The following GREB1 variants were observed in gnomAD, a reference collection of about 807,000 sequenced individuals.
GREB1 encodes the protein protein GREB1.
A neutral mutation model predicts 200.7 loss-of-function variants in GREB1; 106 were observed. The observed-to-expected ratio is 0.53, with a 90% CI of 0.45 to 0.62. The LOEUF is 0.62. Among genes scored for constraint, GREB1 ranks in the 20% least tolerant of loss-of-function variants. The pLI is 0.00. For missense variants in GREB1, 2,243 were observed against 2,556.8 expected, an observed-to-expected ratio of 0.88 and a Z score of 2.65; for synonymous variants, 1,132 against 1,092.4, an observed-to-expected ratio of 1.04 and a Z score of -0.72.
chr2:11,636,761 A>T (rs74173221), intron 30 of GREB1, among the ~76,000 whole-genome samples: 1 of 124,330 alleles, frequency 8.0e-6, no homozygotes, highest in African/African-American at 3.0e-5. Flanking sequence ...GGCAGGGGCA[A>T]GGGCAGGGGC....
At chr2:11,584,443 G>A (rs1212890541) in intron 7 of GREB1, among the ~76,000 whole-genome samples, 1 of 152,174 alleles carries the variant, frequency 6.6e-6, no homozygotes, top group Non-Finnish European at 1.5e-5. Flanking sequence ...CTGCCCCCAA[G>A]CGGTGGAGCT....
At chr2:11,605,138 C>G (rs1171568580) in intron 17 of GREB1, among the ~76,000 whole-genome samples, 1 of 72,730 alleles carries the variant, frequency 1.4e-5, no homozygotes, top group Non-Finnish European at 3.1e-5. Flanking sequence ...GCACCAGAGC[C>G]TGCTTCTTTT....
intron 1 of GREB1, among the ~76,000 whole-genome samples, chr2:11,550,851 G>A (rs1675747716): frequency 6.6e-6 from 1 of 152,184 alleles, no homozygotes; most frequent in African/African-American, 2.4e-5. Context: ...AGGGACTAGA[G>A]ACAATGCATG....
At chr2:11,568,905 T>TA (rs1284030278) in intron 4 of GREB1, among the ~76,000 whole-genome samples, 2 of 152,272 alleles carry the variant, frequency 1.3e-5, no homozygotes, top group African/African-American at 4.8e-5. Flanking sequence ...CTTGCATACT[T>TA]AACACTGTTT....
rs113693738 is a variant in GREB1 at position 11,633,927 on chromosome 2, C to G, written c.4992-204C>G. On this transcript the variant is annotated intron_variant, in intron 28 of 32. Coordinates refer to ENST00000381486, the MANE Select transcript of GREB1 (RefSeq NM_014668.4). The surrounding 1 kb of genome is among the most constrained non-coding windows in gnomAD (Gnocchi z 4.1). ...TTGTGAGAATTGACTAAATTATGGT[C>G]TGCAAATGTGTTCAGCACATAGCAG... Among the ~76,000 whole-genome samples the G allele has an allele frequency of 2.1e-3, 326 of 152,350 alleles. 2 individuals carry two copies. The highest frequency in any genetic ancestry group is 7.3e-3 in the African/African-American group (303 of 41,578).
chr2:11,618,578 C>T lies in GREB1; in HGVS notation c.3703C>T (p.Pro1235Ser), dbSNP rs1483713748. ...SSGSSSSSVAPAAGTWVLQAS... is the reference protein window; with the variant it reads ...SSGSSSSSVASAAGTWVLQAS... ...GGGCTCATCCTCCTCATCCGTGGCG[C>T]CCGCTGCCGGCACGTGGGTCCTGCA... The change falls in exon 22 of 33, where the codon CCC becomes TCC. Residue 1235 changes from proline (P) to serine (S), a missense_variant. Pro to Ser is a moderately conservative substitution (Grantham distance 74, BLOSUM62 -1). Around this residue, in one of 3 missense-constraint regions of GREB1, gnomAD observed 587 missense variants for 553.1 expected, o/e 1.06. Coordinates refer to ENST00000381486, the MANE Select transcript of GREB1 (RefSeq NM_014668.4). 1.2e-6 allele frequency: 2 copies of T among 1,613,030 alleles called. No individual in the cohort carries two copies. Among genetic ancestry groups the T allele is most frequent in the Non-Finnish European group, 1.7e-6 (2 of 1,179,888 alleles).
intron 17 of GREB1, among the ~76,000 whole-genome samples, chr2:11,604,339 G>A (rs968539320): frequency 9.9e-5 from 15 of 152,268 alleles, no homozygotes; most frequent in Admixed American, 6.5e-4. Context: ...TTTCTTTGGG[G>A]ATGATAACAC....
rs1376494248 is a variant in GREB1 at position 11,640,061 on chromosome 2, T to C, written c.5687-230T>C. On this transcript the variant is annotated intron_variant, in intron 32 of 32. Transcript: ENST00000381486. The surrounding 1 kb of genome is among the most constrained non-coding windows in gnomAD (Gnocchi z 4.6). ...ACCTCGGTTCAGTCCCTGCTCGGCT[T>C]TCCTTCTGCCTCCGTGTTTTCTCCC... 6.6e-6 allele frequency among the ~76,000 whole-genome samples: 1 copy of C among 152,118 alleles called. No individual in the cohort carries two copies. Among genetic ancestry groups the C allele is most frequent in the Non-Finnish European group, 1.5e-5 (1 of 67,998 alleles).
At chr2:11,531,860 G>A (rs1264615577), upstream of GREB1, among the ~76,000 whole-genome samples, 3 of 152,254 alleles carry the variant, frequency 2.0e-5, no homozygotes, top group East Asian at 1.9e-4. Flanking sequence ...ATGAACCACC[G>A]CACCTCGCCT....
intron 1 of GREB1, among the ~76,000 whole-genome samples, chr2:11,488,850 G>C (rs1326069701): frequency 6.8e-6 from 1 of 147,106 alleles, no homozygotes; most frequent in Admixed American, 7.1e-5. Context: ...ATCTGAACTG[G>C]GGCATATGTA....
rs762714375 is a variant in GREB1, at chr2:11,640,333, G to A, written c.5729G>A (p.Arg1910His). Residue 1910 changes from arginine to histidine, a missense_variant, in exon 33 of 33, where the codon CGC becomes CAC. Arg to His is a conservative substitution (Grantham distance 29). Around this residue, in one of 3 missense-constraint regions of GREB1, gnomAD observed 478 missense variants for 616.3 expected, o/e 0.78. Transcript: ENST00000381486. This position sits in a 1 kb window ranked among gnomAD's most constrained non-coding sequence, Gnocchi z 4.6. ...CVICQDRSSL[R>H]QTVVRLELED... ...ATCTGTCAGGACCGGAGCTCACTGC[G>A]CCAGACGGTCGTCCGCCTGGAGCTC... The A allele has an allele frequency of 1.2e-6, 2 of 1,614,058 alleles. No individual in the cohort carries two copies. The highest frequency in any genetic ancestry group is 1.7e-6 in the Non-Finnish European group (2 of 1,180,028).
In GREB1 at chr2:11,625,284, T is replaced by C. The variant is rs1684351489; in HGVS notation, c.4278T>C (p.Cys1426=). 1.2e-6 allele frequency: 2 copies of C among 1,614,088 alleles called. No individual in the cohort carries two copies. The highest frequency in any genetic ancestry group is 2.2e-5 in the South Asian group (2 of 91,086). Residue 1426 remains cysteine (C), a synonymous_variant, in exon 24 of 33, where the codon TGT becomes TGC. Coordinates refer to ENST00000381486, the MANE Select transcript of GREB1 (RefSeq NM_014668.4). ...DPKYEDASLI[C]SHYQGIKSED... is the part of the protein sequence containing the mutation. ...AGTATGAAGATGCCAGCCTGATTTG[T>C]TCGCACTATCAGGGTATAAAGAGTG... is the stretch of plus-strand genomic sequence containing the variant.
intron 25 of GREB1, among the ~76,000 whole-genome samples, chr2:11,628,031 T>C (rs1269628479): frequency 6.6e-6 from 1 of 151,320 alleles, no homozygotes; most frequent in Non-Finnish European, 1.5e-5. Flanking sequence ...GACTTTGGGG[T>C]GGGTACACTC....
chr2:11,503,299 G>T (rs1042641556), intron 1 of GREB1, among the ~76,000 whole-genome samples: 1 of 152,050 alleles, frequency 6.6e-6, no homozygotes, highest in African/African-American at 2.4e-5. Context: ...CTATTGCTTC[G>T]AGTGCTTACA....
chr2:11,531,384 C>T (rs576588800), upstream of GREB1, among the ~76,000 whole-genome samples: 12 of 152,074 alleles, frequency 7.9e-5, no homozygotes, highest in African/African-American at 1.7e-4. Context: ...CCACGTTGTG[C>T]AGCCTACAGA....
intron 17 of GREB1, among the ~76,000 whole-genome samples, chr2:11,609,422 C>T (rs926406351): frequency 4.6e-5 from 7 of 152,026 alleles, no homozygotes; most frequent in African/African-American, 1.7e-4. Context: ...GCGTGTGCCA[C>T]CATGCCTGAC....
rs923671005 is a variant in GREB1, at chr2:11,612,536, T to C, written c.3048T>C (p.Thr1016=). ...AGGATGTGGAGTGGAGACCCCAGACTTACTTGGAGCTGGAGGGTCTGCCTT... is the reference window on the plus strand; with the variant it reads ...AGGATGTGGAGTGGAGACCCCAGACCTACTTGGAGCTGGAGGGTCTGCCTT... ...KIEDVEWRPQ[T]YLELEGLPCI... Residue 1016 remains threonine (T), a synonymous_variant, in exon 19 of 33, where the codon ACT becomes ACC. Coordinates refer to ENST00000381486, the MANE Select transcript of GREB1 (RefSeq NM_014668.4). The C allele has an allele frequency of 1.2e-6, 2 of 1,612,988 alleles. No homozygotes were observed. The highest frequency in any genetic ancestry group is 3.3e-5 in the Admixed American group (2 of 60,018).
At position 11,587,531 on chromosome 2, in the gene GREB1, A is replaced by C. The variant is rs981685589; in HGVS notation, c.1160-1215A>C. 1.9e-6 allele frequency: 3 copies of C among 1,554,718 alleles called. No homozygotes were observed. In the African/African-American group the frequency reaches 4.1e-5, roughly 21 times the overall value. ...ATCAGAAGCCCTGGGTGGCACCAGC[A>C]AGTGTTTGGCAAGCCCTTGAGAAGC... On this transcript the variant is annotated intron_variant, in intron 9 of 32. Transcript: ENST00000381486.
chr2:11,507,913 C>G (rs889969737), intron 1 of GREB1, among the ~76,000 whole-genome samples: 1 of 152,158 alleles, frequency 6.6e-6, no homozygotes, highest in African/African-American at 2.4e-5. Context: ...GATTCTGGAC[C>G]TTTCTTTAAT....
Sources: gnomAD v4.1 joint callset for allele counts (sites outside exome capture counted in the v4.1 genomes callset) on GRCh38, gnomAD v4.1.1 for gene constraint, gnomAD v4.1.1 regional missense constraint, Gnocchi (gnomAD v3.1) non-coding constraint, MANE v1.5 for transcripts, NCBI Gene and HGNC (gene_info 2026-07-23, HGNC 2026-07-21) for gene names.